The following SCLT1 variants were observed in gnomAD, a reference collection of about 807,000 sequenced individuals.
SCLT1 encodes the protein sodium channel-associated protein 1.
In SCLT1, 78 loss-of-function variants were observed where a neutral mutation model predicts 112.8. The ratio of observed to expected loss-of-function variants is 0.69; its 90% CI spans 0.58 to 0.83. SCLT1 has a LOEUF of 0.83. SCLT1 is among the 40% of genes least tolerant of loss of function. The pLI is 0.00. For synonymous variants in SCLT1, 257 were observed against 254.7 expected (o/e 1.01, Z -0.09); for missense variants, 747 against 770.4 (o/e 0.97, Z 0.36).
chr4:128,987,956 T>C lies in SCLT1; in HGVS notation c.686+4211A>G, dbSNP rs546920845. ...AGCAAGAGAAGAGAAGCAAATAATA[T>C]GTAAAAGCAAAATTGTCTTTCAAAC... On this transcript the variant is annotated intron_variant, in intron 9 of 20. Transcript: ENST00000281142. 1.1e-4 allele frequency among the ~76,000 whole-genome samples: 17 copies of C among 151,762 alleles called. No homozygotes were observed. The East Asian group carries it at 3.3e-3, about 29-fold the overall frequency.
intron 11 of SCLT1, among the ~76,000 whole-genome samples, chr4:128,962,211 T>C (rs1156613551): frequency 6.6e-6 from 1 of 152,252 alleles, no homozygotes; most frequent in Non-Finnish European, 1.5e-5. Context: ...TTTATGCTAT[T>C]AGCATTCTAA....
chr4:128,876,592 A>ACT (rs1560793689), exon 4 of SCLT1: 1 of 152,266 alleles, frequency 6.6e-6, no homozygotes, highest in East Asian at 1.9e-4. Context: ...AATGCTCAGA[A>ACT]CTCCATTAGA....
In SCLT1 at chr4:129,003,789, A is replaced by G; in HGVS notation, c.378T>C (p.Asp126=). The G allele has an allele frequency of 6.2e-7, 1 of 1,611,762 alleles. No homozygotes were observed. Among genetic ancestry groups the G allele is most frequent in the Non-Finnish European group, 8.5e-7 (1 of 1,178,948 alleles). Residue 126 remains aspartate (D), a synonymous_variant, in exon 6 of 21, where the codon GAT becomes GAC. Transcript: ENST00000281142. Reference sequence around the variant, plus strand: ...CTTGAAGGTTTCTGACTGTTTCATCATCTGCATATATGTCAGTTCCTACCT... The same window carrying G: ...CTTGAAGGTTTCTGACTGTTTCATCGTCTGCATATATGTCAGTTCCTACCT... ...GTEVGTDIYA[D]DETVRNLQEQ... is the part of the protein sequence containing the mutation.
chr4:129,036,501 G>C (rs1747193496), intron 5 of SCLT1: 1 of 151,680 alleles, frequency 6.6e-6, no homozygotes, highest in African/African-American at 2.4e-5. Flanking sequence ...TGCTTAATAA[G>C]TATTTTGGAA....
chr4:129,093,280 C>G lies in SCLT1; in HGVS notation c.-177G>C. 1 of 631,724 alleles carries G rather than the reference C, an allele frequency of 1.6e-6. No homozygotes were observed. Among genetic ancestry groups the G allele is most frequent in the South Asian group, 1.8e-5 (1 of 54,822 alleles). 39.1% of individuals were successfully genotyped at this position (631,724 alleles called of 1,614,324 possible). ...ACAGCCCCGCCACGCTTCTTTCCCCCGCGCCCCAGACGAGTCCCTGGCCCT... is the reference window on the plus strand; with the variant it reads ...ACAGCCCCGCCACGCTTCTTTCCCCGGCGCCCCAGACGAGTCCCTGGCCCT... On this transcript the variant is annotated 5_prime_UTR_variant, in exon 1 of 21. Transcript: ENST00000281142.
intron 1 of SCLT1, among the ~76,000 whole-genome samples, chr4:129,086,277 C>T (rs1047709570): frequency 4.7e-5 from 7 of 149,972 alleles, no homozygotes; most frequent in African/African-American, 1.7e-4. Context: ...GTTTAATTTG[C>T]GTTTCCTGGA....
chr4:128,966,420 T>A (rs745883023), intron 10 of SCLT1, among the ~76,000 whole-genome samples: 23 of 152,284 alleles, frequency 1.5e-4, no homozygotes, highest in Non-Finnish European at 2.8e-4. Context: ...ACTGAAACCT[T>A]GCAACAGCAT....
chr4:128,936,547 A>T (rs751085209), intron 18 of SCLT1, 108 bp downstream of exon 18: 138 of 543,902 alleles, frequency 2.5e-4, no homozygotes, highest in Non-Finnish European at 3.2e-4. Flanking sequence ...AGAAAAAGGT[A>T]AGGTCCAGAA....
chr4:128,991,859 T>C (rs1033378539), intron 9 of SCLT1, among the ~76,000 whole-genome samples: 25 of 151,854 alleles, frequency 1.6e-4, no homozygotes, highest in Admixed American at 1.6e-3. Context: ...TACTAGGTAT[T>C]ATAAGTTATC....
intron 9 of SCLT1, among the ~76,000 whole-genome samples, chr4:128,980,846 A>C (rs1217706820): frequency 6.6e-6 from 1 of 152,220 alleles, no homozygotes; most frequent in Non-Finnish European, 1.5e-5. Context: ...ATTTCTGTGT[A>C]GCTGAAGGAG....
intron 11 of SCLT1, among the ~76,000 whole-genome samples, chr4:128,960,300 A>T (rs1459238954): frequency 5.3e-5 from 8 of 152,144 alleles, no homozygotes; most frequent in African/African-American, 1.7e-4. Flanking sequence ...TATACACATA[A>T]ATATACACAC....
chr4:128,987,784 C>T (rs1047515427), intron 9 of SCLT1, among the ~76,000 whole-genome samples: 1 of 152,028 alleles, frequency 6.6e-6, no homozygotes, highest in Non-Finnish European at 1.5e-5. Context: ...GACATAATAA[C>T]AGAGAACTTT....
chr4:128,951,103 G>A (rs1256525576), intron 14 of SCLT1, among the ~76,000 whole-genome samples: 1 of 152,006 alleles, frequency 6.6e-6, no homozygotes, highest in East Asian at 1.9e-4. Flanking sequence ...GGACTTCATA[G>A]TGTAAATAAA....
downstream of SCLT1, among the ~76,000 whole-genome samples, chr4:128,881,921 A>G (rs1443955062): frequency 6.6e-6 from 1 of 152,208 alleles, no homozygotes. Context: ...TTAGCAGCCT[A>G]TTCTTCTCTT....
intron 5 of SCLT1, among the ~76,000 whole-genome samples, chr4:129,029,899 C>G (rs988199897): frequency 1.3e-5 from 2 of 151,916 alleles, no homozygotes; most frequent in South Asian, 4.2e-4. Context: ...AATATTAGAT[C>G]AATAAAACAG....
intron 13 of SCLT1, among the ~76,000 whole-genome samples, chr4:128,956,264 G>C (rs771238664): frequency 6.6e-6 from 1 of 151,960 alleles, no homozygotes; most frequent in Non-Finnish European, 1.5e-5. Context: ...CTCATACCAA[G>C]AATACTTTAA....
At chr4:128,989,362 G>A (rs1322005623) in intron 9 of SCLT1, among the ~76,000 whole-genome samples, 4 of 151,722 alleles carry the variant, frequency 2.6e-5, no homozygotes, top group African/African-American at 9.7e-5. Context: ...TAAACAATAC[G>A]CTCCTAAATG....
chr4:128,898,342 T>C (rs545689789), intron 18 of SCLT1, among the ~76,000 whole-genome samples: 6 of 152,202 alleles, frequency 3.9e-5, no homozygotes, highest in African/African-American at 1.4e-4. Context: ...CACAGTGCAA[T>C]CAAACTAGAG....
intron 20 of SCLT1, among the ~76,000 whole-genome samples, chr4:128,887,933 T>G (rs1330086383): frequency 2.0e-5 from 3 of 152,196 alleles, no homozygotes; most frequent in African/African-American, 7.2e-5. Context: ...AGCAATATTA[T>G]CTACTTTCAA....
Sources: allele counts gnomAD v4.1 joint callset (sites outside exome capture counted in the v4.1 genomes callset), GRCh38; gene constraint gnomAD v4.1.1; transcripts MANE v1.5; gene names NCBI Gene and HGNC (gene_info 2026-07-23, HGNC 2026-07-21).